DIXDC1: variants seen among roughly 807,000 people sequenced by gnomAD.
DIXDC1 encodes the protein DIX domain containing 1.
DIXDC1 carries 64 observed loss-of-function variants against 103.1 expected under a neutral mutation model. The ratio of observed to expected loss-of-function variants is 0.62; its 90% CI spans 0.51 to 0.76. DIXDC1 has a LOEUF of 0.76. DIXDC1 is among the 30% of genes least tolerant of loss of function. The pLI is 0.00. For synonymous variants in DIXDC1, 266 were observed against 298.5 expected (o/e 0.89, Z 1.12); for missense variants, 759 against 834.2 (o/e 0.91, Z 1.11).
chr11:111,976,710 G>C lies in DIXDC1; in HGVS notation c.656+1727G>C, dbSNP rs1361386683. 1.3e-5 allele frequency among the ~76,000 whole-genome samples: 2 copies of C among 152,152 alleles called. No individual in the cohort carries two copies. Among genetic ancestry groups the C allele is most frequent in the Non-Finnish European group, 2.9e-5 (2 of 68,016 alleles). On this transcript the variant is annotated intron_variant, in intron 5 of 19. Coordinates refer to ENST00000440460, the MANE Select transcript of DIXDC1 (RefSeq NM_001037954.4). The surrounding 1 kb of genome is among the most constrained non-coding windows in gnomAD (Gnocchi z 4.3). Reference sequence around the variant, plus strand: ...CGGGAGTGGCTCAGAAGGAAGGATAGCCCCTGGGTGTCTCATTCCCTGCCA... The same window carrying C: ...CGGGAGTGGCTCAGAAGGAAGGATACCCCCTGGGTGTCTCATTCCCTGCCA...
chr11:111,964,745 A>G (rs1859674394), intron 2 of DIXDC1, 67 bp downstream of exon 2: 2 of 1,497,186 alleles, frequency 1.3e-6, no homozygotes, highest in African/African-American at 1.4e-5. Context: ...TATCCTTCTT[A>G]TGCCCTTTAG....
intron 9 of DIXDC1, among the ~76,000 whole-genome samples, chr11:111,987,997 T>A (rs1428279049): frequency 6.6e-6 from 1 of 151,676 alleles, no homozygotes; most frequent in African/African-American, 2.4e-5. Flanking sequence ...TTATTTGTTT[T>A]GTTTTGTTTG....
Sources: gnomAD v4.1 joint callset for allele counts (sites outside exome capture counted in the v4.1 genomes callset) on GRCh38, gnomAD v4.1.1 for gene constraint, Gnocchi (gnomAD v3.1) non-coding constraint, MANE v1.5 for transcripts, NCBI Gene and HGNC (gene_info 2026-07-23, HGNC 2026-07-21) for gene names.